The following XYLB variants were observed in gnomAD, a reference collection of about 807,000 sequenced individuals.
XYLB encodes the protein xylulokinase, also known as xylulose kinase.
Under a neutral mutation model 78.7 loss-of-function variants are expected in XYLB, and 62 were observed. The observed-to-expected ratio is 0.79, with a 90% confidence interval of 0.64 to 0.97. The LOEUF is 0.97. Among genes scored for constraint, XYLB ranks in the 50% least tolerant of loss-of-function variants. The probability of loss-of-function intolerance (pLI) is 0.00; values close to 1 mark genes in which losing one functional copy is unlikely to be tolerated. For synonymous variants in XYLB, 245 were observed against 247.4 expected (o/e 0.99, Z 0.09); for missense variants, 687 against 676.8 (o/e 1.02, Z -0.17).
chr3:38,365,219 G>A lies in XYLB; in HGVS notation c.312G>A (p.Trp104Ter). 1 of 1,614,226 alleles carries A rather than the reference G, an allele frequency of 6.2e-7. No homozygotes were observed. Among genetic ancestry groups the A allele is most frequent in the Non-Finnish European group, 8.5e-7 (1 of 1,180,040 alleles). The part of the protein sequence containing the change: ...GAGQQHGSIY[W>*]KAGAQQALTS... ...AACAGCAACACGGAAGTATATACTGGAAGGCTGGAGCCCAGCAGGCACTGA... is the reference window on the plus strand; with the variant it reads ...AACAGCAACACGGAAGTATATACTGAAAGGCTGGAGCCCAGCAGGCACTGA... The change falls in exon 5 of 19, where the codon TGG (tryptophan) becomes TGA (stop). Residue 104 changes from tryptophan to a stop codon, truncating the protein, a stop_gained. Coordinates refer to ENST00000207870, the MANE Select transcript of XYLB (RefSeq NM_005108.4). LOFTEE classifies it high-confidence loss of function.
intron 15 of XYLB, among the ~76,000 whole-genome samples, chr3:38,385,763 A>C (rs1328435309): frequency 6.6e-6 from 1 of 152,092 alleles, no homozygotes; most frequent in Non-Finnish European, 1.5e-5. Flanking sequence ...CAGCCTTGTA[A>C]TCTTCCATTT....
rs905023367 is a variant in XYLB at position 38,413,042 on chromosome 3, C to T, written c.*29C>T. The T allele has an allele frequency of 1.9e-6, 3 of 1,570,132 alleles. No homozygotes were observed. Among genetic ancestry groups the T allele is most frequent in the Non-Finnish European group, 2.6e-6 (3 of 1,163,898 alleles). ...GGCATCCCTGTTGCCCCTGCCTGCCCAGATTTACTGACCCCATTTGTCGAC... is the reference window on the plus strand; with the variant it reads ...GGCATCCCTGTTGCCCCTGCCTGCCTAGATTTACTGACCCCATTTGTCGAC... On this transcript the variant is annotated 3_prime_UTR_variant, in exon 19 of 19. Coordinates refer to ENST00000207870, the MANE Select transcript of XYLB (RefSeq NM_005108.4).
chr3:38,378,629 G>T (rs1706987870), intron 14 of XYLB, among the ~76,000 whole-genome samples: 1 of 151,950 alleles, frequency 6.6e-6, no homozygotes, highest in Non-Finnish European at 1.5e-5. Context: ...GGCAGAGGGA[G>T]CAGCTTGGGA....
At chr3:38,432,434 G>A in the XYLB span, among the ~76,000 whole-genome samples, 3 of 152,148 alleles carry the variant, frequency 2.0e-5, no homozygotes, top group African/African-American at 7.2e-5. Flanking sequence ...GGGCATGGCG[G>A]TGTGTGCCTG....
the XYLB span, among the ~76,000 whole-genome samples, chr3:38,445,685 A>G: frequency 0.42 from 63,960 of 152,036 alleles, 15,838 homozygotes; most frequent in Non-Finnish European, 0.57. Context: ...GTACAGGAAA[A>G]GTGGAAGCTG....
At chr3:38,395,614 G>A in intron 16 of XYLB, 51 bp downstream of exon 16, 2 of 1,583,506 alleles carry the variant, frequency 1.3e-6, no homozygotes, top group Non-Finnish European at 8.7e-7. Context: ...TATCTGTTAT[G>A]TCTAAGAGCC....
the XYLB span, among the ~76,000 whole-genome samples, chr3:38,429,358 G>A: frequency 6.6e-6 from 1 of 152,120 alleles, no homozygotes; most frequent in African/African-American, 2.4e-5. Flanking sequence ...CTTTGTTTTA[G>A]TTTTTAGTGG....
intron 15 of XYLB, among the ~76,000 whole-genome samples, chr3:38,394,590 G>C (rs1707791835): frequency 6.6e-6 from 1 of 152,142 alleles, no homozygotes; most frequent in South Asian, 2.1e-4. Context: ...GTGAATCTTT[G>C]TTTTGTTTGT....
intron 17 of XYLB, 29 bp from the exon 18 acceptor site, chr3:38,400,862 A>G (rs373159085): frequency 9.4e-6 from 15 of 1,594,808 alleles, no homozygotes; most frequent in East Asian, 4.5e-5. Context: ...TGCAACATGC[A>G]CTAATGTGAA....
intron 17 of XYLB, 136 bp from the exon 18 acceptor site, chr3:38,400,755 A>T (rs1708087864): frequency 1.6e-6 from 1 of 620,266 alleles, no homozygotes; most frequent in Non-Finnish European, 2.8e-6. Context: ...TTTTTCATAA[A>T]TGTACTGAAT....
At chr3:38,379,175 A>G (rs1394054701) in intron 14 of XYLB, 71 bp from the exon 15 acceptor site, 1 of 1,478,628 alleles carries the variant, frequency 6.8e-7, no homozygotes. Flanking sequence ...GATCACACAC[A>G]GACACACACA....
chr3:38,431,294 G>T, the XYLB span, among the ~76,000 whole-genome samples: 3 of 151,962 alleles, frequency 2.0e-5, no homozygotes, highest in East Asian at 5.8e-4. Flanking sequence ...GGATTCCTAG[G>T]TATTTCTCTT....
chr3:38,447,493 T>C, the XYLB span, among the ~76,000 whole-genome samples: 1,683 of 126,186 alleles, frequency 0.013, 27 homozygotes, highest in African/African-American at 0.043. Context: ...TTTTTTTTTT[T>C]TGTAGATACA....
chr3:38,401,682 CAGG>C (rs1355133912), intron 18 of XYLB, among the ~76,000 whole-genome samples: 1 of 152,160 alleles, frequency 6.6e-6, no homozygotes, highest in Non-Finnish European at 1.5e-5. Flanking sequence ...TGGGCCACCC[CAGG>C]ATGGGGTGAG....
rs1707018203 is a variant in XYLB, at chr3:38,379,176, G to C, written c.1195-70G>C. ...CTGTTGTTTAAAAAGATCACACACA[G>C]ACACACACATACACACACGAATGGA... On this transcript the variant is annotated intron_variant, in intron 14 of 18. Transcript: ENST00000207870. 20 of 1,480,690 alleles carry C rather than the reference G, an allele frequency of 1.4e-5. No individual in the cohort carries two copies. In the South Asian group the frequency reaches 2.0e-4, roughly 15 times the overall value. The allele number at this position is 1,480,690 out of a possible 1,614,324, so 91.7% of individuals were successfully genotyped here. A position where few individuals can be genotyped will look rare whatever the true frequency, so the allele number is the denominator to read the frequency against.
chr3:38,408,594 G>A (rs1047634666), intron 18 of XYLB, among the ~76,000 whole-genome samples: 11 of 151,968 alleles, frequency 7.2e-5, no homozygotes, highest in Non-Finnish European at 1.3e-4. Flanking sequence ...AATGAATTCA[G>A]GAGCTGGTTT....
chr3:38,379,611 A>G (rs919517191), intron 15 of XYLB, among the ~76,000 whole-genome samples: 4 of 152,162 alleles, frequency 2.6e-5, no homozygotes, highest in African/African-American at 7.2e-5. Context: ...AGACTTCGGA[A>G]TGGTCTTTCT....
At chr3:38,352,672 G>A (rs1431608240) in intron 2 of XYLB, among the ~76,000 whole-genome samples, 2 of 152,060 alleles carry the variant, frequency 1.3e-5, no homozygotes, top group Admixed American at 6.5e-5. Context: ...AGTCATGTGT[G>A]GTGGCGTGCA....
the XYLB span, among the ~76,000 whole-genome samples, chr3:38,434,887 C>A: frequency 6.6e-6 from 1 of 152,180 alleles, no homozygotes; most frequent in Admixed American, 6.5e-5. Flanking sequence ...AATCCCAACA[C>A]TTTGGGAGGC....
Sources: allele counts gnomAD v4.1 joint callset (sites outside exome capture counted in the v4.1 genomes callset), GRCh38; gene constraint gnomAD v4.1.1; transcripts MANE v1.5; gene names NCBI Gene and HGNC (gene_info 2026-07-23, HGNC 2026-07-21).